Variants in RBFOX2 observed in about 807,000 individuals in gnomAD.
The protein encoded by RBFOX2 is RNA binding protein fox-1 homolog 2.
In RBFOX2, 10 loss-of-function variants were observed where a neutral mutation model predicts 49.1. That is an observed-to-expected ratio of 0.20 (90% CI 0.13 to 0.35). The LOEUF (loss-of-function observed/expected upper bound fraction) is 0.35. RBFOX2 is among the 10% of genes least tolerant of loss of function. The pLI is 1.00. For synonymous variants in RBFOX2, 183 were observed against 187.4 expected (o/e 0.98, Z 0.19); for missense variants, 323 against 486.9 (o/e 0.66, Z 3.17).
intron 1 of RBFOX2, among the ~76,000 whole-genome samples, chr22:35,810,397 GA>G (rs1569214217): frequency 3.3e-5 from 5 of 151,644 alleles, no homozygotes; most frequent in Non-Finnish European, 7.4e-5. Context: ...TAAAAAATAC[GA>G]AAAACAAAAA....
intron 1 of RBFOX2, among the ~76,000 whole-genome samples, chr22:35,930,358 A>G (rs573419995): frequency 6.6e-6 from 1 of 152,260 alleles, no homozygotes; most frequent in South Asian, 2.1e-4. Flanking sequence ...ATACATATTT[A>G]TATTTATTTT....
At chr22:35,947,940 GT>G (rs886434321) in intron 1 of RBFOX2, among the ~76,000 whole-genome samples, 1 of 152,180 alleles carries the variant, frequency 6.6e-6, no homozygotes, top group Non-Finnish European at 1.5e-5. Flanking sequence ...AAAGTCAACA[GT>G]AGTGTACAGT....
chr22:35,864,424 AATG>A (rs568184018), intron 1 of RBFOX2, among the ~76,000 whole-genome samples: 3 of 152,214 alleles, frequency 2.0e-5, no homozygotes, highest in Non-Finnish European at 4.4e-5. Context: ...AGTTGAAAAC[AATG>A]ATGACAACCA....
chr22:35,912,947 T>C (rs1027116665), intron 1 of RBFOX2, among the ~76,000 whole-genome samples: 1 of 152,216 alleles, frequency 6.6e-6, no homozygotes, highest in Non-Finnish European at 1.5e-5. Flanking sequence ...AGAATTAAGA[T>C]GAAAATTAGA....
rs8140171 is a variant in RBFOX2, at chr22:35,779,838, C to T, written c.400-1760G>A. Among the ~76,000 whole-genome samples the T allele has an allele frequency of 2.6e-3, 396 of 152,290 alleles. 4 individuals carry two copies. Among genetic ancestry groups the T allele is most frequent in the African/African-American group, 9.3e-3 (387 of 41,564 alleles). ...TAAGGAAAAAATTATTTCTTTTGCA[C>T]TTTATGCCTTATGAGAAGGGCATAA... On this transcript the variant is annotated intron_variant, in intron 3 of 11. Coordinates refer to ENST00000405409, the Ensembl canonical transcript of RBFOX2.
At chr22:35,969,639 C>G (rs2150002147) in intron 1 of RBFOX2, among the ~76,000 whole-genome samples, 1 of 152,276 alleles carries the variant, frequency 6.6e-6, no homozygotes, top group South Asian at 2.1e-4. Flanking sequence ...TGGTTTGCCT[C>G]CTTCCTCTCT....
upstream of RBFOX2, among the ~76,000 whole-genome samples, chr22:35,965,465 G>A (rs574159975): frequency 1.3e-5 from 2 of 152,198 alleles, no homozygotes; most frequent in South Asian, 2.1e-4. Context: ...TAAGAATAAT[G>A]GCCAAAATGA....
chr22:35,770,647 C>G lies in RBFOX2; in HGVS notation c.454-2298G>C, dbSNP rs531850103. ...GTCCTAAAATCCTTCTATCTTTTTT[C>G]AAATCTAATTGCTAAGTATCTTCCA... On this transcript the variant is annotated intron_variant, in intron 4 of 11. Coordinates refer to ENST00000405409, the Ensembl canonical transcript of RBFOX2. Among the ~76,000 whole-genome samples the G allele has an allele frequency of 9.2e-5, 14 of 152,052 alleles. No homozygotes were observed. In the East Asian group the frequency reaches 2.7e-3, roughly 29 times the overall value.
rs1324678782 is a variant in RBFOX2, at chr22:35,953,733, CTGT to C, written c.42+7827_42+7829del. On this transcript the variant is annotated intron_variant, in intron 1 of 5. Coordinates refer to the RBFOX2 transcript ENST00000408983. ...ACCACAGTACAAATGAAGAAACTTC[CTGT>C]TGTTATTTGAATAAGTACTTACAGC... Among the ~76,000 whole-genome samples the C allele has an allele frequency of 6.6e-5, 10 of 152,074 alleles. No individual in the cohort carries two copies. The East Asian group carries it at 1.7e-3, about 26-fold the overall frequency.
At chr22:35,934,646 C>A (rs901345257) in intron 1 of RBFOX2, among the ~76,000 whole-genome samples, 1 of 152,122 alleles carries the variant, frequency 6.6e-6, no homozygotes. Flanking sequence ...TTCTAGGAAA[C>A]CCCTAAGAGC....
intron 1 of RBFOX2, among the ~76,000 whole-genome samples, chr22:35,913,395 G>C (rs2050043229): frequency 6.6e-6 from 1 of 151,854 alleles, no homozygotes; most frequent in Non-Finnish European, 1.5e-5. Context: ...TATTAAATCA[G>C]ATGGCTAGGA....
chr22:35,952,004 G>C (rs140102094), intron 1 of RBFOX2, among the ~76,000 whole-genome samples: 2 of 152,224 alleles, frequency 1.3e-5, no homozygotes, highest in Non-Finnish European at 2.9e-5. Context: ...ACTGATCAGA[G>C]TGGCTCTTAT....
intron 1 of RBFOX2, among the ~76,000 whole-genome samples, chr22:35,893,680 C>T (rs1337224884): frequency 2.0e-5 from 3 of 152,198 alleles, no homozygotes; most frequent in African/African-American, 2.4e-5. Context: ...CATATTTAAA[C>T]ATGAAGGGAG....
At chr22:35,920,015 T>C (rs2050855353) in intron 1 of RBFOX2, among the ~76,000 whole-genome samples, 2 of 152,080 alleles carry the variant, frequency 1.3e-5, no homozygotes, top group Admixed American at 6.5e-5. Flanking sequence ...AGTAAAACAA[T>C]ACATATACAC....
At chr22:35,917,616 G>A (rs925932535) in intron 1 of RBFOX2, among the ~76,000 whole-genome samples, 1 of 152,076 alleles carries the variant, frequency 6.6e-6, no homozygotes, top group Admixed American at 6.6e-5. Flanking sequence ...GGGCTCTCAA[G>A]GAATTATAAT....
chr22:35,831,013 T>C (rs1264404559), intron 1 of RBFOX2, among the ~76,000 whole-genome samples: 1 of 152,280 alleles, frequency 6.6e-6, no homozygotes, highest in South Asian at 2.1e-4. Flanking sequence ...TGGGAAAACC[T>C]TACGTATGCT....
chr22:35,899,579 AG>A, intron 1 of RBFOX2, among the ~76,000 whole-genome samples: 1 of 151,028 alleles, frequency 6.6e-6, no homozygotes, highest in African/African-American at 2.4e-5. Context: ...AAAAAAAAAA[AG>A]AAAGAAAGAA....
chr22:35,855,316 T>C (rs2042388975), intron 1 of RBFOX2, among the ~76,000 whole-genome samples: 4 of 152,206 alleles, frequency 2.6e-5, no homozygotes, highest in Admixed American at 2.6e-4. Context: ...GTATTAAAGT[T>C]CATGTGTCCT....
intron 1 of RBFOX2, chr22:35,898,355 T>C: frequency 3.0e-6 from 2 of 674,946 alleles, no homozygotes; most frequent in East Asian, 2.8e-5. Flanking sequence ...AATGGCAGAA[T>C]GTGACATTGG....
Sources: allele counts gnomAD v4.1 joint callset (sites outside exome capture counted in the v4.1 genomes callset), GRCh38; gene constraint gnomAD v4.1.1; transcripts MANE v1.5; gene names NCBI Gene and HGNC (gene_info 2026-07-23, HGNC 2026-07-21).